FAM161A: variants seen among roughly 807,000 people sequenced by gnomAD.
The protein encoded by FAM161A is protein FAM161A.
In FAM161A, 57 loss-of-function variants were observed where a neutral mutation model predicts 70.9. The observed-to-expected ratio is 0.80, with a 90% CI of 0.65 to 1.00. The LOEUF (loss-of-function observed/expected upper bound fraction) is 1.00, where lower values mean the gene tolerates loss of function less well. FAM161A is among the 50% of genes least tolerant of loss of function. The probability of loss-of-function intolerance (pLI) is 0.00; values close to 1 mark genes in which losing one functional copy is unlikely to be tolerated. For missense variants in FAM161A, 880 were observed against 836.0 expected, an observed-to-expected ratio of 1.05 and a Z score of -0.65; for synonymous variants, 299 against 295.7, an observed-to-expected ratio of 1.01 and a Z score of -0.12.
chr2:61,839,734 C>A lies in FAM161A; in HGVS notation c.1270G>T (p.Val424Phe). Reference protein sequence around the residue: ...QAVKLKCKHKVRCPTPDFEDL... With the variant: ...QAVKLKCKHKFRCPTPDFEDL... ...TCAAAATCAGGAGTTGGGCACCTAA[C>A]CTTGTGTTTACACTTCAACTTTACA... The change falls in exon 3 of 7, where the codon GTT (valine) becomes TTT (phenylalanine). Residue 424 changes from valine to phenylalanine, a missense_variant. Transcript: ENST00000404929. 2 of 1,614,160 alleles carry A rather than the reference C, an allele frequency of 1.2e-6. No individual in the cohort carries two copies. Among genetic ancestry groups the A allele is most frequent in the Non-Finnish European group, 1.7e-6 (2 of 1,180,034 alleles).
At chr2:61,835,897 G>C (rs1255829956) in intron 5 of FAM161A, 113 bp downstream of exon 5, 1 of 782,586 alleles carries the variant, frequency 1.3e-6, no homozygotes, top group East Asian at 2.5e-5. Context: ...CAACAATAAT[G>C]TATCTCAACA....
chr2:61,841,302 C>T (rs1308931915), intron 2 of FAM161A, among the ~76,000 whole-genome samples: 1 of 152,190 alleles, frequency 6.6e-6, no homozygotes, highest in Non-Finnish European at 1.5e-5. Context: ...CCACTGGCTA[C>T]CCCAGTCTCC....
At position 61,839,570 on chromosome 2, in the gene FAM161A, T is replaced by C. The variant is rs1253920892; in HGVS notation, c.1434A>G (p.Ala478=). 3 of 1,614,114 alleles carry C rather than the reference T, an allele frequency of 1.9e-6. No individual in the cohort carries two copies. The highest frequency in any genetic ancestry group is 3.3e-5 in the Admixed American group (2 of 60,008). Residue 478 remains alanine, a synonymous_variant, in exon 3 of 7, where the codon GCA becomes GCG. Coordinates refer to ENST00000404929, the MANE Select transcript of FAM161A (RefSeq NM_001201543.2). ...KREKILADIE[A]DEENLKETRW... is the part of the protein sequence containing the mutation. ...GTGTTTCTTTTAAATTTTCTTCATC[T>C]GCTTCGATGTCTGCCAAAATTTTTT...
the FAM161A span, among the ~76,000 whole-genome samples, chr2:61,808,274 ATTTTT>A: frequency 1.4e-5 from 2 of 142,038 alleles, no homozygotes; most frequent in African/African-American, 2.6e-5. Flanking sequence ...TATTATTATT[ATTTTT>A]TTTTTTTTTT....
At chr2:61,806,680 C>CTTTTTTTTTTTTTTTTTTTTTTT in the FAM161A span, among the ~76,000 whole-genome samples, 2 of 61,568 alleles carry the variant, frequency 3.2e-5, 1 homozygote. Context: ...CTTTCCACGT[C>CTTTTTTTTTTTTTTTTTTTTTTT]TTTTTTTTTT....
chr2:61,803,204 A>C, the FAM161A span: 3 of 564,064 alleles, frequency 5.3e-6, no homozygotes, highest in African/African-American at 5.7e-5. Flanking sequence ...ATTCAGAAAA[A>C]ACTAGCCAAA....
Position 61,839,997 on chromosome 2 carries a change from G to A in FAM161A, c.1007C>T (p.Ala336Val), listed in dbSNP as rs1163878320. The A allele has an allele frequency of 6.2e-7, 1 of 1,614,194 alleles. No individual in the cohort carries two copies. Among genetic ancestry groups the A allele is most frequent in the Admixed American group, 1.7e-5 (1 of 60,024 alleles). The change falls in exon 3 of 7, where the codon GCA becomes GTA. Residue 336 changes from alanine to valine, a missense_variant. Coordinates refer to ENST00000404929, the MANE Select transcript of FAM161A (RefSeq NM_001201543.2). ...KFIAREEQKRAAREKQLRDFL... is the reference protein window; with the variant it reads ...KFIAREEQKRVAREKQLRDFL... Reference sequence around the variant, plus strand: ...GTCTCTCAGCTGCTTTTCCCGGGCTGCTCGCTTCTGTTCCTCCCTTGCTAT... The same window carrying A: ...GTCTCTCAGCTGCTTTTCCCGGGCTACTCGCTTCTGTTCCTCCCTTGCTAT...
chr2:61,820,628 A>T (rs1672183595), downstream of FAM161A: 3 of 599,146 alleles, frequency 5.0e-6, no homozygotes, highest in Non-Finnish European at 6.1e-6. Flanking sequence ...TTTTTGTATT[A>T]TTCTTTTTGT....
Position 61,848,918 on chromosome 2 carries a change from A to T in FAM161A, c.183+4941T>A, listed in dbSNP as rs868333690. Among the ~76,000 whole-genome samples the T allele has an allele frequency of 6.4e-3, 12 of 1,876 alleles. 3 individuals are homozygous for T. Among genetic ancestry groups the T allele is most frequent in the Non-Finnish European group, 7.4e-3 (10 of 1,348 alleles). The allele number at this position is 1,876 out of a possible 152,430, so 1.2% of individuals were successfully genotyped here. A position where few individuals can be genotyped will look rare whatever the true frequency, so the allele number is the denominator to read the frequency against. On this transcript the variant is annotated intron_variant, in intron 1 of 6. Transcript: ENST00000404929. ...TATTTATATATATATTTATATATTTATATATATTTATATATATATATTTAT... is the reference window on the plus strand; with the variant it reads ...TATTTATATATATATTTATATATTTTTATATATTTATATATATATATTTAT...
chr2:61,848,862 TTATATATATATTTATA>T (rs1673335778), intron 1 of FAM161A, among the ~76,000 whole-genome samples: 1 of 3,466 alleles, frequency 2.9e-4, no homozygotes, highest in African/African-American at 1.1e-3. Context: ...ATATATATAT[TTATATATATATTTATA>T]TATATATTTA....
the FAM161A span, among the ~76,000 whole-genome samples, chr2:61,813,651 T>G: frequency 7.3e-6 from 1 of 136,988 alleles, no homozygotes; most frequent in African/African-American, 2.8e-5. Flanking sequence ...ACCAGGAGGG[T>G]GAGGCTGCAG....
chr2:61,806,647 T>G, the FAM161A span, among the ~76,000 whole-genome samples: 4 of 150,840 alleles, frequency 2.7e-5, no homozygotes, highest in African/African-American at 9.7e-5. Flanking sequence ...AAGCTCTAAT[T>G]TTTTCACATG....
chr2:61,847,056 G>A, intron 1 of FAM161A: 2 of 366,738 alleles, frequency 5.5e-6, no homozygotes, highest in Non-Finnish European at 1.1e-5. Flanking sequence ...CAGCTACTCG[G>A]GAGGCTGAGG....
the FAM161A span, among the ~76,000 whole-genome samples, chr2:61,813,796 G>A: frequency 6.6e-6 from 1 of 151,990 alleles, no homozygotes; most frequent in African/African-American, 2.4e-5. Flanking sequence ...TGCTGAAACA[G>A]TGTGCTTGAT....
In FAM161A at chr2:61,848,822, A is replaced by ATT. The variant is rs1673325544; in HGVS notation, c.183+5036_183+5037insAA. Among the ~76,000 whole-genome samples the ATT allele has an allele frequency of 1.7e-4, 2 of 11,578 alleles. 1 individual carries two copies. Among genetic ancestry groups the ATT allele is most frequent in the Non-Finnish European group, 3.0e-4 (2 of 6,582 alleles). 7.6% of individuals were successfully genotyped at this position (11,578 alleles called of 152,430 possible). On this transcript the variant is annotated intron_variant, in intron 1 of 6. Transcript: ENST00000404929. ...TCTGTCTATATATATATTTATATAT[A>ATT]TATATCTATATATATTTATATATAT... is the stretch of plus-strand genomic sequence containing the variant.
At chr2:61,800,603 T>C in the FAM161A span, among the ~76,000 whole-genome samples, 1 of 152,160 alleles carries the variant, frequency 6.6e-6, no homozygotes, top group East Asian at 1.9e-4. Flanking sequence ...GTTTGAGAGC[T>C]GAGAGTTGGC....
intron 4 of FAM161A, among the ~76,000 whole-genome samples, chr2:61,837,811 A>T (rs984433075): frequency 6.6e-6 from 1 of 152,224 alleles, no homozygotes; most frequent in Non-Finnish European, 1.5e-5. Context: ...AAGAAACATT[A>T]TGCTCACGTT....
chr2:61,809,848 C>T, the FAM161A span, among the ~76,000 whole-genome samples: 1 of 152,148 alleles, frequency 6.6e-6, no homozygotes, highest in Non-Finnish European at 1.5e-5. Flanking sequence ...GGAACACTGC[C>T]CAAGACTGCC....
At chr2:61,819,584 T>C in the FAM161A span, among the ~76,000 whole-genome samples, 1 of 152,330 alleles carries the variant, frequency 6.6e-6, no homozygotes, top group Admixed American at 6.5e-5. Context: ...GTCATTGACA[T>C]TATCTTCAGT....
Sources: gnomAD v4.1 joint callset for allele counts (sites outside exome capture counted in the v4.1 genomes callset) on GRCh38, gnomAD v4.1.1 for gene constraint, MANE v1.5 for transcripts, NCBI Gene and HGNC (gene_info 2026-07-23, HGNC 2026-07-21) for gene names.